Variants in PDE4B observed in about 807,000 individuals in gnomAD.
The protein encoded by PDE4B is 3',5'-cyclic-AMP phosphodiesterase 4B.
A neutral mutation model predicts 82.2 loss-of-function variants in PDE4B; 20 were observed. The observed-to-expected ratio is 0.24, with a 90% CI of 0.17 to 0.35. PDE4B has a LOEUF of 0.35. PDE4B is among the 10% of genes least tolerant of loss of function. The pLI is 1.00. For missense variants in PDE4B, 655 were observed against 907.2 expected (o/e 0.72, Z 3.57); for synonymous variants, 320 against 318.9 (o/e 1.00, Z -0.04).
At chr1:66,343,553 A>G (rs1266539879) in intron 8 of PDE4B, among the ~76,000 whole-genome samples, 1 of 152,232 alleles carries the variant, frequency 6.6e-6, no homozygotes, top group Non-Finnish European at 1.5e-5. Flanking sequence ...GATTTTATTT[A>G]TGTCTGCTCA....
intron 3 of PDE4B, among the ~76,000 whole-genome samples, chr1:65,986,348 C>G (rs550979414): frequency 6.6e-6 from 1 of 152,278 alleles, no homozygotes; most frequent in South Asian, 2.1e-4. Flanking sequence ...ATGGATGAAA[C>G]AGCTGACTCT....
intron 3 of PDE4B, among the ~76,000 whole-genome samples, chr1:66,204,176 G>T (rs1041580994): frequency 6.6e-6 from 1 of 152,188 alleles, no homozygotes; most frequent in African/African-American, 2.4e-5. Flanking sequence ...TTCGTGAACC[G>T]CAAATGCTGC....
intron 1 of PDE4B, among the ~76,000 whole-genome samples, chr1:65,903,233 T>G (rs1041922882): frequency 1.3e-5 from 2 of 152,198 alleles, no homozygotes; most frequent in African/African-American, 4.8e-5. Flanking sequence ...AGCTGCTAAG[T>G]CTCTTTGTCC....
chr1:66,266,703 G>A (rs6588194), intron 7 of PDE4B: 221,386 of 524,842 alleles, frequency 0.42, 52,224 homozygotes, highest in Non-Finnish European at 0.52. Flanking sequence ...GGTGTGTTGA[G>A]AGCTGCAGAG....
chr1:65,978,657 CT>C (rs1650535395), intron 3 of PDE4B, among the ~76,000 whole-genome samples: 1 of 152,062 alleles, frequency 6.6e-6, no homozygotes, highest in Non-Finnish European at 1.5e-5. Flanking sequence ...ATCAAGAGTA[CT>C]GTTTAGGAAA....
chr1:65,887,897 TTGTC>T (rs1270665108), intron 1 of PDE4B, among the ~76,000 whole-genome samples: 1 of 152,182 alleles, frequency 6.6e-6, no homozygotes, highest in Non-Finnish European at 1.5e-5. Context: ...AGTCAACAGA[TTGTC>T]TGTTCACTAA....
At chr1:65,796,054 G>C (rs1645628574) in intron 1 of PDE4B, among the ~76,000 whole-genome samples, 1 of 152,120 alleles carries the variant, frequency 6.6e-6, no homozygotes, top group African/African-American at 2.4e-5. Flanking sequence ...TTCATTTCAG[G>C]CCTCCCTGGT....
chr1:66,132,150 C>A (rs76839592), intron 3 of PDE4B, among the ~76,000 whole-genome samples: 1 of 152,086 alleles, frequency 6.6e-6, no homozygotes, highest in African/African-American at 2.4e-5. Context: ...ATGACATGAT[C>A]CTTTTTTTAT....
chr1:65,908,839 A>G (rs1327529448), intron 1 of PDE4B, among the ~76,000 whole-genome samples: 1 of 152,186 alleles, frequency 6.6e-6, no homozygotes, highest in African/African-American at 2.4e-5. Context: ...TTACCAGAGA[A>G]GCAGAGACAC....
intron 3 of PDE4B, among the ~76,000 whole-genome samples, chr1:66,012,254 G>A (rs2100742073): frequency 6.6e-6 from 1 of 152,016 alleles, no homozygotes; most frequent in East Asian, 1.9e-4. Context: ...CATTGTGTTT[G>A]GATTGGGATT....
chr1:65,954,419 T>G (rs1030202377), intron 3 of PDE4B, among the ~76,000 whole-genome samples: 1 of 152,130 alleles, frequency 6.6e-6, no homozygotes, highest in African/African-American at 2.4e-5. Flanking sequence ...ATTAAAACTC[T>G]TAAAGAATAC....
intron 3 of PDE4B, among the ~76,000 whole-genome samples, chr1:66,186,634 T>A (rs1484883961): frequency 1.3e-5 from 2 of 152,178 alleles, no homozygotes; most frequent in South Asian, 4.2e-4. Context: ...TGGCTCTGTT[T>A]GTCTGTTATT....
Position 65,865,447 on chromosome 1 carries a change from A to G in PDE4B, c.-70-47798A>G, listed in dbSNP as rs1401602525. 2.0e-5 allele frequency among the ~76,000 whole-genome samples: 3 copies of G among 151,938 alleles called. No individual in the cohort carries two copies. In the East Asian group the frequency reaches 5.8e-4, roughly 29 times the overall value. Reference sequence around the variant, plus strand: ...GGGGTGGCGGGGAGGGGAGGGGAGGAACAAAACTCCTGCAGCTAGCTTAGT... The same window carrying G: ...GGGGTGGCGGGGAGGGGAGGGGAGGGACAAAACTCCTGCAGCTAGCTTAGT... On this transcript the variant is annotated intron_variant, in intron 1 of 16. Transcript: ENST00000341517.
chr1:65,925,655 G>A (rs1173781984), intron 3 of PDE4B, among the ~76,000 whole-genome samples: 2 of 152,050 alleles, frequency 1.3e-5, no homozygotes, highest in African/African-American at 4.8e-5. Flanking sequence ...CTCAACATTA[G>A]GTTTAAGAGG....
At chr1:65,954,915 T>G (rs141902178) in intron 3 of PDE4B, among the ~76,000 whole-genome samples, 1 of 152,212 alleles carries the variant, frequency 6.6e-6, no homozygotes, top group African/African-American at 2.4e-5. Flanking sequence ...TGCAAAGACT[T>G]TGTATTTTTT....
At chr1:65,895,447 G>A (rs1487802905) in intron 1 of PDE4B, among the ~76,000 whole-genome samples, 7 of 151,434 alleles carry the variant, frequency 4.6e-5, no homozygotes, top group Admixed American at 1.3e-4. Flanking sequence ...CTACTCAGGA[G>A]GCTGAGGCAG....
chr1:66,202,326 G>T (rs1052404380), intron 3 of PDE4B, among the ~76,000 whole-genome samples: 3 of 152,116 alleles, frequency 2.0e-5, no homozygotes, highest in African/African-American at 7.2e-5. Flanking sequence ...ATATTCTGTT[G>T]ATTTGGGGTG....
intron 3 of PDE4B, chr1:65,992,966 G>A (rs760976186): frequency 6.2e-7 from 1 of 1,613,930 alleles, no homozygotes; most frequent in South Asian, 1.1e-5. Flanking sequence ...TTTGCATAAA[G>A]ACTTTCAAGG....
intron 3 of PDE4B, among the ~76,000 whole-genome samples, chr1:65,951,471 A>T (rs1217988239): frequency 2.0e-5 from 3 of 152,000 alleles, no homozygotes; most frequent in African/African-American, 7.2e-5. Flanking sequence ...TGATCCAGTA[A>T]AAAAAGTGTC....
Sources: allele counts gnomAD v4.1 joint callset (sites outside exome capture counted in the v4.1 genomes callset), GRCh38; gene constraint gnomAD v4.1.1; transcripts MANE v1.5; gene names NCBI Gene and HGNC (gene_info 2026-07-23, HGNC 2026-07-21).